The following CRACR2B variants were observed in gnomAD, a reference collection of about 807,000 sequenced individuals.
CRACR2B encodes the protein calcium release activated channel regulator 2B.
In CRACR2B, 50 loss-of-function variants were observed where a neutral mutation model predicts 46.0. The observed-to-expected ratio is 1.09, with a 90% CI of 0.87 to 1.38. CRACR2B has a LOEUF of 1.38. CRACR2B is among the 40% of genes most tolerant of loss of function. CRACR2B has a pLI of 0.00. For missense variants in CRACR2B, 667 were observed against 535.0 expected (o/e 1.25, Z -2.43); for synonymous variants, 277 against 239.6 (o/e 1.16, Z -1.44).
At chr11:829,775 C>T in intron 3 of CRACR2B, 1 of 1,085,362 alleles carries the variant, frequency 9.2e-7, no homozygotes, top group Non-Finnish European at 1.3e-6. Flanking sequence ...GGGCGCGGGG[C>T]CACATACCGG....
Position 829,357 on chromosome 11 carries a change from C to T in CRACR2B, c.278-3C>T, listed in dbSNP as rs570060552. The T allele has an allele frequency of 8.7e-6, 14 of 1,603,916 alleles. No homozygotes were observed. In the East Asian group the frequency reaches 2.9e-4, roughly 33 times the overall value. ...CTGGTAATCGCTCGCTCCATGCCCG[C>T]AGGGATGTTTGTGGGGGTGGCGTCA... On this transcript the variant is annotated splice_region_variant and splice_polypyrimidine_tract_variant and intron_variant, in intron 2 of 8. Transcript: ENST00000525077.
Position 830,634 on chromosome 11 carries a change from G to C in CRACR2B, c.707G>C (p.Gly236Ala). 3 of 1,549,238 alleles carry C rather than the reference G, an allele frequency of 1.9e-6. No individual in the cohort carries two copies. The highest frequency in any genetic ancestry group is 1.7e-4 in the Middle Eastern group (1 of 5,892). ...RRPPSQNFAR[G>A]ERRSRLELEL... is the part of the protein sequence containing the mutation. ...CGTGCGTCCCAGAACTTCGCCCGCGGGGAGCGGAGAAGCCGTCTGGAGCTG... is the reference window on the plus strand; with the variant it reads ...CGTGCGTCCCAGAACTTCGCCCGCGCGGAGCGGAGAAGCCGTCTGGAGCTG... Residue 236 changes from glycine (G) to alanine (A), a missense_variant, in exon 6 of 9, where the codon GGG becomes GCG. Transcript: ENST00000525077.
intron 7 of CRACR2B, 41 bp downstream of exon 7, chr11:831,073 C>T (rs1465521236): frequency 2.0e-6 from 3 of 1,538,376 alleles, no homozygotes; most frequent in Non-Finnish European, 1.7e-6. Flanking sequence ...GTGCGTGTCC[C>T]GGGGGCGGGG....
In CRACR2B at chr11:829,539, A is replaced by G. The variant is rs28558789; in HGVS notation, c.457A>G (p.Lys153Glu). The G allele has an allele frequency of 0.69, 1,090,959 of 1,573,784 alleles. 383,463 individuals carry two copies. Among genetic ancestry groups the G allele is most frequent in the East Asian group, 0.93 (40,512 of 43,488 alleles). The stretch of plus-strand genomic sequence containing the variant: ...GCTGGGGGTGGCCCCGGTCCTGGGC[A>G]AGTGAGTCGGCGCTGGCCCCGCTCC... ...EQLGVAPVLGKQRAVRTLWAR... is the reference protein window; with the variant it reads ...EQLGVAPVLGEQRAVRTLWAR... The change falls in exon 3 of 9, where the codon AAG (lysine) becomes GAG (glutamate). Residue 153 changes from lysine (K) to glutamate (E), a missense_variant and splice_region_variant. Lys to Glu is a moderately conservative substitution (Grantham distance 56). Coordinates refer to ENST00000525077, the MANE Select transcript of CRACR2B (RefSeq NM_001286606.2).
rs1454083917 is a variant in CRACR2B at position 830,733 on chromosome 11, C to T, written c.786+20C>T. 2 of 1,515,430 alleles carry T rather than the reference C, an allele frequency of 1.3e-6. No individual in the cohort carries two copies. The highest frequency in any genetic ancestry group is 2.8e-5 in the African/African-American group (2 of 72,520). The allele number at this position is 1,515,430 out of a possible 1,614,324, so 93.9% of individuals were successfully genotyped here. A position where few individuals can be genotyped will look rare whatever the true frequency, so the allele number is the denominator to read the frequency against. Reference sequence around the variant, plus strand: ...CGGGAGGTGAGCACCCGGCCCCTGCCCTGTCCCCACGGTCACCCGTGCACT... The same window carrying T: ...CGGGAGGTGAGCACCCGGCCCCTGCTCTGTCCCCACGGTCACCCGTGCACT... On this transcript the variant is annotated intron_variant, in intron 6 of 8. Transcript: ENST00000525077.
At chr11:827,279 C>G (rs1845965392), upstream of CRACR2B, 1 of 151,872 alleles carries the variant, frequency 6.6e-6, no homozygotes, top group Non-Finnish European at 1.5e-5. Flanking sequence ...CCGGGAGGAG[C>G]GGCCCGGGCG....
intron 2 of CRACR2B, 197 bp from the exon 3 acceptor site, chr11:829,163 C>T (rs1326531789): frequency 6.8e-6 from 9 of 1,321,408 alleles, no homozygotes; most frequent in Non-Finnish European, 9.4e-6. Flanking sequence ...GCCCCCAGCT[C>T]CTCTCCTGTG....
chr11:831,152 A>G (rs749706588), intron 7 of CRACR2B, 72 bp from the exon 8 acceptor site: 1 of 1,605,430 alleles, frequency 6.2e-7, no homozygotes. Context: ...CGTGGGAAGG[A>G]GGATCTTCTA....
upstream of CRACR2B, chr11:827,726 G>A (rs1044361061): frequency 4.2e-5 from 7 of 167,242 alleles, no homozygotes; most frequent in African/African-American, 9.6e-5. Context: ...ATGGAAGGAC[G>A]CTGGGTGGAG....
chr11:828,485 C>A lies in CRACR2B; in HGVS notation c.-123C>A. ...CTTCCGCCCACCTTCCCACCTGCTG[C>A]AGGGAGGGCCCTCGGCTGAGCCTTC... On this transcript the variant is annotated 5_prime_UTR_variant, in exon 1 of 9. Transcript: ENST00000525077. 8.2e-7 allele frequency: 1 copy of A among 1,219,532 alleles called. No homozygotes were observed. The highest frequency in any genetic ancestry group is 1.1e-6 in the Non-Finnish European group (1 of 911,676). The allele number at this position is 1,219,532 out of a possible 1,614,324, so 75.5% of individuals were successfully genotyped here.
rs752637387 is a variant in CRACR2B at position 829,374 on chromosome 11, G to T, written c.292G>T (p.Val98Leu). ...FCLGLGMFVG[V>L]ASAQGANPCR... ...CATGCCCGCAGGGATGTTTGTGGGG[G>T]TGGCGTCAGCCCAGGGAGCGAACCC... Residue 98 changes from valine to leucine, a missense_variant, in exon 3 of 9, where the codon GTG becomes TTG. Physicochemically the swap from Val to Leu is conservative, Grantham distance 32. Coordinates refer to ENST00000525077, the MANE Select transcript of CRACR2B (RefSeq NM_001286606.2). 10 of 1,607,138 alleles carry T rather than the reference G, an allele frequency of 6.2e-6. No homozygotes were observed. Among genetic ancestry groups the T allele is most frequent in the Middle Eastern group, 1.7e-4 (1 of 6,024 alleles).
chr11:831,873 G>A lies in CRACR2B; in HGVS notation c.*164G>A, dbSNP rs1372106697. On this transcript the variant is annotated 3_prime_UTR_variant, in exon 9 of 9. Transcript: ENST00000525077. Reference sequence around the variant, plus strand: ...AGCCTAGGAGTGGTCAGGGTCCCGGGAGTGGCCAGGGTCCCGTGTGTGCCC... The same window carrying A: ...AGCCTAGGAGTGGTCAGGGTCCCGGAAGTGGCCAGGGTCCCGTGTGTGCCC... The A allele has an allele frequency of 1.2e-6, 1 of 824,618 alleles. No homozygotes were observed. The highest frequency in any genetic ancestry group is 1.8e-6 in the Non-Finnish European group (1 of 571,054). 51.1% of individuals were successfully genotyped at this position (824,618 alleles called of 1,614,324 possible).
chr11:830,494 C>A, intron 5 of CRACR2B, 127 bp from the exon 6 acceptor site: 2 of 1,537,492 alleles, frequency 1.3e-6, no homozygotes, highest in East Asian at 2.4e-5. Flanking sequence ...TCACGTATCA[C>A]CCCCGTCCGG....
Position 831,584 on chromosome 11 carries a change from C to T in CRACR2B, c.1075C>T (p.Arg359Trp), listed in dbSNP as rs368375611. The T allele has an allele frequency of 2.9e-4, 467 of 1,590,688 alleles. No individual in the cohort carries two copies. The highest frequency in any genetic ancestry group is 3.8e-4 in the Non-Finnish European group (443 of 1,172,080). ...TGACAGGGACGCCTGCGAGGCCAGGCGGGCGGGCAGCAGCTGCAGGAAGGC... is the reference window on the plus strand; with the variant it reads ...TGACAGGGACGCCTGCGAGGCCAGGTGGGCGGGCAGCAGCTGCAGGAAGGC... The part of the protein sequence containing the change: ...RDDRDACEAR[R>W]AGSSCRKALT... Residue 359 changes from arginine (R) to tryptophan (W), a missense_variant, in exon 9 of 9, where the codon CGG becomes TGG. Coordinates refer to ENST00000525077, the MANE Select transcript of CRACR2B (RefSeq NM_001286606.2).
In CRACR2B at chr11:831,665, C is replaced by T. The variant is rs759835006; in HGVS notation, c.1156C>T (p.Arg386Trp). Residue 386 changes from arginine (R) to tryptophan (W), a missense_variant, in exon 9 of 9, where the codon CGG (arginine) becomes TGG (tryptophan). By Grantham distance (101) the Arg-to-Trp change is moderately radical. Transcript: ENST00000525077. ...CTGCTGCTGCTGCTGTTGCTGGGCT[C>T]GGCCCCCCAGACGCGGCTCTGGCCA... The part of the protein sequence containing the change: ...PTCCCCCCWA[R>W]PPRRGSGHLP... 7 of 1,537,328 alleles carry T rather than the reference C, an allele frequency of 4.6e-6. No homozygotes were observed. Among genetic ancestry groups the T allele is most frequent in the Admixed American group, 2.1e-5 (1 of 46,648 alleles).
rs952190364 is a variant in CRACR2B, at chr11:831,823, G to C, written c.*114G>C. ...GCTCTCCCCAGTGGGCCCCAGGCTC[G>C]CCTGACTGAAGACATGAAGGACCTA... On this transcript the variant is annotated 3_prime_UTR_variant, in exon 9 of 9. Coordinates refer to ENST00000525077, the MANE Select transcript of CRACR2B (RefSeq NM_001286606.2). 7.6e-7 allele frequency: 1 copy of C among 1,308,284 alleles called. No individual in the cohort carries two copies. Among genetic ancestry groups the C allele is most frequent in the African/African-American group, 1.5e-5 (1 of 64,602 alleles). 81.0% of individuals were successfully genotyped at this position (1,308,284 alleles called of 1,614,324 possible).
At chr11:827,048 T>C (rs1003818589), upstream of CRACR2B, among the ~76,000 whole-genome samples, 2 of 152,160 alleles carry the variant, frequency 1.3e-5, no homozygotes, top group Non-Finnish European at 2.9e-5. Flanking sequence ...CCTGGGTCTC[T>C]GGGGCATATC....
At chr11:826,772 CT>C (rs1467046572), upstream of CRACR2B, among the ~76,000 whole-genome samples, 1 of 152,184 alleles carries the variant, frequency 6.6e-6, no homozygotes, top group Non-Finnish European at 1.5e-5. Context: ...TGATCTGCCC[CT>C]GTCTCAGCCC....
Position 830,678 on chromosome 11 carries a change from C to T in CRACR2B, c.751C>T (p.Gln251Ter). The T allele has an allele frequency of 2.6e-6, 4 of 1,545,350 alleles. No homozygotes were observed. The highest frequency in any genetic ancestry group is 2.6e-6 in the Non-Finnish European group (3 of 1,145,702). Residue 251 changes from glutamine (Q) to a stop codon, truncating the protein, a stop_gained, in exon 6 of 9, where the codon CAG becomes TAG. Coordinates refer to ENST00000525077, the MANE Select transcript of CRACR2B (RefSeq NM_001286606.2). LOFTEE classifies it high-confidence loss of function. ...RLELELQSRE[Q>*]DLERAGLRQR... ...GGAGCTGGAGCTGCAGAGCCGCGAG[C>T]AGGACCTGGAACGCGCGGGCCTGCG...
Sources: gnomAD v4.1 joint callset for allele counts (sites outside exome capture counted in the v4.1 genomes callset) on GRCh38, gnomAD v4.1.1 for gene constraint, MANE v1.5 for transcripts, NCBI Gene and HGNC (gene_info 2026-07-23, HGNC 2026-07-21) for gene names.